ITPR2: variants seen among roughly 807,000 people sequenced by gnomAD.
The protein encoded by ITPR2 is inositol 1,4,5-trisphosphate receptor type 2, also known as inositol 1,4,5-trisphosphate-gated calcium channel ITPR2.
A neutral mutation model predicts 317.1 loss-of-function variants in ITPR2; 207 were observed. That is an observed-to-expected ratio of 0.65 (90% confidence interval 0.58 to 0.73). The LOEUF is 0.73. Among genes scored for constraint, ITPR2 ranks in the 30% least tolerant of loss-of-function variants. The pLI is 0.00. For missense variants in ITPR2, 2,613 were observed against 3,284.0 expected (o/e 0.80, Z 4.99); for synonymous variants, 1,156 against 1,149.1 (o/e 1.01, Z -0.12).
At chr12:26,348,095 C>A (rs1938363654) in intron 55 of ITPR2, among the ~76,000 whole-genome samples, 1 of 152,160 alleles carries the variant, frequency 6.6e-6, no homozygotes, top group South Asian at 2.1e-4. Flanking sequence ...ATTCACAAAG[C>A]CTTCTAGGCT....
At position 26,817,263 on chromosome 12, in the gene ITPR2, A is replaced by G. The variant is rs772458947; in HGVS notation, c.92+15427T>C. On this transcript the variant is annotated intron_variant, in intron 1 of 56. Coordinates refer to ENST00000381340, the MANE Select transcript of ITPR2 (RefSeq NM_002223.4). ...AGAAACGACACAAGATGACGTTTGT[A>G]TCTCAGAAACCTGAAAAGCCTGCGA... Among the ~76,000 whole-genome samples, 32 of 151,538 alleles carry G rather than the reference A, an allele frequency of 2.1e-4. 1 individual carries two copies. The highest frequency in any genetic ancestry group is 7.8e-4 in the African/African-American group (32 of 41,250).
intron 2 of ITPR2, among the ~76,000 whole-genome samples, chr12:26,734,996 CTTTT>C (rs5797195): frequency 1.8e-5 from 2 of 109,042 alleles, no homozygotes; most frequent in African/African-American, 3.5e-5. Context: ...GCAAGCCAGT[CTTTT>C]TTTTTTTTTT....
At chr12:26,794,517 T>C (rs1168385899) in intron 1 of ITPR2, among the ~76,000 whole-genome samples, 2 of 152,216 alleles carry the variant, frequency 1.3e-5, no homozygotes, top group East Asian at 3.8e-4. Context: ...ATCCATCCTT[T>C]GAACACATCT....
Position 26,381,598 on chromosome 12 carries a change from C to G in ITPR2, c.7857+5836G>C, listed in dbSNP as rs73301060. 5.3e-5 allele frequency among the ~76,000 whole-genome samples: 8 copies of G among 152,288 alleles called. No homozygotes were observed. The East Asian group carries it at 1.5e-3, about 29-fold the overall frequency. On this transcript the variant is annotated intron_variant, in intron 55 of 56. Transcript: ENST00000381340. ...TTTCAAGAAACTTATATTTTAGTTACGACAGACAATTATTATGTTAACAAA... is the reference window on the plus strand; with the variant it reads ...TTTCAAGAAACTTATATTTTAGTTAGGACAGACAATTATTATGTTAACAAA...
rs182399538 is a variant in ITPR2 at position 26,337,750 on chromosome 12, T to G, written c.*1647A>C. 6.6e-6 allele frequency: 1 copy of G among 152,098 alleles called. No homozygotes were observed. Among genetic ancestry groups the G allele is most frequent in the South Asian group, 2.1e-4 (1 of 4,818 alleles). 9.4% of individuals were successfully genotyped at this position (152,098 alleles called of 1,614,324 possible). A position where few individuals can be genotyped will look rare whatever the true frequency, so the allele number is the denominator to read the frequency against. The stretch of plus-strand genomic sequence containing the variant: ...CAGAAAAAATACTGTCATGTCAGAG[T>G]GAGGAATTCTTAGTATGAGGTGGTG... On this transcript the variant is annotated 3_prime_UTR_variant, in exon 57 of 57. Coordinates refer to ENST00000381340, the MANE Select transcript of ITPR2 (RefSeq NM_002223.4).
chr12:26,819,176 T>G (rs919093993), intron 1 of ITPR2, among the ~76,000 whole-genome samples: 1 of 152,214 alleles, frequency 6.6e-6, no homozygotes, highest in East Asian at 1.9e-4. Context: ...TCTCACTTTA[T>G]TTCTCTGTCC....
chr12:26,580,178 C>G, intron 32 of ITPR2, 23 bp from the exon 33 acceptor site: 2 of 1,599,722 alleles, frequency 1.3e-6, no homozygotes, highest in South Asian at 1.1e-5. Context: ...TAAAACAACT[C>G]AATATGTTTT....
intron 36 of ITPR2, among the ~76,000 whole-genome samples, chr12:26,555,633 A>G (rs985454261): frequency 2.0e-5 from 3 of 152,216 alleles, no homozygotes; most frequent in Non-Finnish European, 2.9e-5. Flanking sequence ...TAGATCTGCA[A>G]TACCACAAAC....
At chr12:26,456,881 C>T (rs12370830) in intron 45 of ITPR2, among the ~76,000 whole-genome samples, 108,048 of 152,056 alleles carry the variant, frequency 0.71, 38,701 homozygotes, top group African/African-American at 0.78. Context: ...ACCTTGTTGG[C>T]CAGGCTGGTC....
At chr12:26,572,750 A>T (rs973083255) in intron 34 of ITPR2, among the ~76,000 whole-genome samples, 2 of 152,196 alleles carry the variant, frequency 1.3e-5, no homozygotes, top group Non-Finnish European at 2.9e-5. Context: ...TCTTGGTCTG[A>T]CTTAACCTAA....
chr12:26,473,905 T>C (rs987620018), intron 45 of ITPR2, among the ~76,000 whole-genome samples: 20 of 152,216 alleles, frequency 1.3e-4, no homozygotes, highest in Admixed American at 6.5e-4. Context: ...AAAATGCTCA[T>C]CTGTCTAGCT....
intron 2 of ITPR2, among the ~76,000 whole-genome samples, chr12:26,742,733 G>C (rs1188729367): frequency 6.6e-6 from 1 of 151,596 alleles, no homozygotes; most frequent in Admixed American, 6.6e-5. Flanking sequence ...AGAATCCCTT[G>C]AACCCGGAAG....
chr12:26,535,456 T>C (rs891139009), intron 37 of ITPR2, among the ~76,000 whole-genome samples: 3 of 152,334 alleles, frequency 2.0e-5, no homozygotes, highest in East Asian at 1.9e-4. Flanking sequence ...TGAAAAAGTA[T>C]GATTAGAAAT....
intron 9 of ITPR2, among the ~76,000 whole-genome samples, chr12:26,696,167 G>A (rs1948345737): frequency 6.6e-6 from 1 of 152,286 alleles, no homozygotes; most frequent in Non-Finnish European, 1.5e-5. Context: ...CGGGCTTGGA[G>A]AGTGGCATTT....
At chr12:26,774,010 T>TTC (rs150425593) in intron 2 of ITPR2, among the ~76,000 whole-genome samples, 8,513 of 112,016 alleles carry the variant, frequency 0.076, 1,102 homozygotes, top group Non-Finnish European at 0.12. Context: ...TTTTTTTTTT[T>TTC]AGTATAAAGC....
At chr12:26,823,293 G>T (rs982695138) in intron 1 of ITPR2, among the ~76,000 whole-genome samples, 3 of 152,138 alleles carry the variant, frequency 2.0e-5, no homozygotes, top group South Asian at 2.1e-4. Flanking sequence ...ATTTTGTCAG[G>T]TGCTGAGCAT....
chr12:26,559,176 C>T (rs1257130998), intron 35 of ITPR2, among the ~76,000 whole-genome samples: 1 of 152,206 alleles, frequency 6.6e-6, no homozygotes, highest in African/African-American at 2.4e-5. Context: ...TCTTATAATA[C>T]ACTCAGAATT....
At chr12:26,583,471 GTTA>G (rs1260488463) in intron 32 of ITPR2, among the ~76,000 whole-genome samples, 1 of 151,760 alleles carries the variant, frequency 6.6e-6, no homozygotes, top group Non-Finnish European at 1.5e-5. Context: ...TTCAGGCACT[GTTA>G]TTTATTTTGT....
chr12:26,572,587 A>C (rs1347909465), intron 34 of ITPR2, among the ~76,000 whole-genome samples: 1 of 152,142 alleles, frequency 6.6e-6, no homozygotes, highest in South Asian at 2.1e-4. Flanking sequence ...TGTTGGCTAA[A>C]TTTTCGTGGG....
Sources: allele counts gnomAD v4.1 joint callset (sites outside exome capture counted in the v4.1 genomes callset), GRCh38; gene constraint gnomAD v4.1.1; transcripts MANE v1.5; gene names NCBI Gene and HGNC (gene_info 2026-07-23, HGNC 2026-07-21).